DCC: variants seen among roughly 807,000 people sequenced by gnomAD.
DCC encodes DCC netrin 1 receptor.
A neutral mutation model predicts 172.5 loss-of-function variants in DCC; 58 were observed. The ratio of observed to expected loss-of-function variants is 0.34; its 90% CI spans 0.27 to 0.42. The LOEUF (loss-of-function observed/expected upper bound fraction) is 0.42, where lower values mean the gene tolerates loss of function less well. Ranked by LOEUF, DCC falls within the 10% of genes least tolerant of loss-of-function variation. DCC has a pLI of 1.00. For synonymous variants in DCC, 709 were observed against 644.5 expected, an observed-to-expected ratio of 1.10 and a Z score of -1.52; for missense variants, 1,740 against 1,791.0, an observed-to-expected ratio of 0.97 and a Z score of 0.51.
chr18:52,822,135 A>G (rs963738906), intron 2 of DCC, among the ~76,000 whole-genome samples: 1 of 152,224 alleles, frequency 6.6e-6, no homozygotes, highest in African/African-American at 2.4e-5. Flanking sequence ...ATAAGTAAGC[A>G]TATTCACAGA....
intron 5 of DCC, among the ~76,000 whole-genome samples, chr18:52,930,196 C>A (rs115399657): frequency 2.9e-3 from 439 of 152,078 alleles, no homozygotes; most frequent in African/African-American, 9.7e-3. Flanking sequence ...AACTCCTGGG[C>A]TGAAGTGATC....
chr18:53,118,445 C>T (rs950579620), intron 7 of DCC, among the ~76,000 whole-genome samples: 28 of 151,782 alleles, frequency 1.8e-4, no homozygotes, highest in East Asian at 5.9e-4. Context: ...TTGGCTTTTA[C>T]GAAATTTTAG....
intron 12 of DCC, among the ~76,000 whole-genome samples, chr18:53,297,830 GAAGA>G (rs1598995877): frequency 1.3e-5 from 2 of 152,306 alleles, no homozygotes; most frequent in South Asian, 2.1e-4. Context: ...AAGAACCTAA[GAAGA>G]AAGAATCTTT....
intron 22 of DCC, among the ~76,000 whole-genome samples, chr18:53,435,439 A>G (rs144014962): frequency 5.1e-4 from 77 of 152,298 alleles, no homozygotes; most frequent in African/African-American, 1.8e-3. Context: ...GTTGACAGGT[A>G]TGTAAAAAAG....
At chr18:53,371,207 A>G (rs1599075379) in intron 15 of DCC, among the ~76,000 whole-genome samples, 3 of 152,106 alleles carry the variant, frequency 2.0e-5, no homozygotes. Flanking sequence ...TCTAAAAATG[A>G]CAAGATCATC....
intron 1 of DCC, among the ~76,000 whole-genome samples, chr18:52,469,971 C>G (rs1988900044): frequency 6.6e-6 from 1 of 152,212 alleles, no homozygotes; most frequent in Non-Finnish European, 1.5e-5. Context: ...ATTTTACTCA[C>G]ATGGCAGAAG....
chr18:53,276,316 A>G (rs1393879363), intron 12 of DCC, among the ~76,000 whole-genome samples: 2 of 152,174 alleles, frequency 1.3e-5, no homozygotes, highest in African/African-American at 2.4e-5. Flanking sequence ...ATAAATCCCC[A>G]TGGACAAATA....
At chr18:53,528,532 A>T (rs751251161) in intron 28 of DCC, among the ~76,000 whole-genome samples, 4 of 152,144 alleles carry the variant, frequency 2.6e-5, no homozygotes, top group African/African-American at 9.7e-5. Context: ...GACTCTAAAG[A>T]ATGGCAGCCA....
chr18:52,359,804 G>A (rs1984539149), intron 1 of DCC, among the ~76,000 whole-genome samples: 1 of 152,276 alleles, frequency 6.6e-6, no homozygotes, highest in Non-Finnish European at 1.5e-5. Context: ...AGTTCAAACT[G>A]CTGTATGTTC....
At chr18:53,119,677 T>C (rs551568390) in intron 7 of DCC, among the ~76,000 whole-genome samples, 12 of 152,020 alleles carry the variant, frequency 7.9e-5, no homozygotes, top group Admixed American at 2.0e-4. Context: ...CTGTGGAGAA[T>C]TAATCTGCTC....
chr18:53,087,566 G>T (rs765829503), intron 7 of DCC, among the ~76,000 whole-genome samples: 1 of 152,142 alleles, frequency 6.6e-6, no homozygotes, highest in African/African-American at 2.4e-5. Flanking sequence ...TGTTTACTCT[G>T]ATGGTAGTTT....
intron 2 of DCC, among the ~76,000 whole-genome samples, chr18:52,756,199 C>T (rs1180188910): frequency 6.6e-6 from 1 of 151,918 alleles, no homozygotes; most frequent in African/African-American, 2.4e-5. Context: ...TGTTTCTGTG[C>T]CATGTATACT....
intron 1 of DCC, among the ~76,000 whole-genome samples, chr18:52,641,853 TCC>T (rs1204396088): frequency 6.6e-6 from 1 of 151,906 alleles, no homozygotes; most frequent in South Asian, 2.1e-4. Flanking sequence ...GATCCAGCAA[TCC>T]CACTACTGGG....
At chr18:53,036,199 T>C (rs1019278538) in intron 5 of DCC, among the ~76,000 whole-genome samples, 11 of 152,024 alleles carry the variant, frequency 7.2e-5, no homozygotes, top group Non-Finnish European at 1.3e-4. Flanking sequence ...TAAAAATCTT[T>C]TCCCAAGTAG....
At chr18:53,254,104 A>G (rs190994433) in intron 12 of DCC, among the ~76,000 whole-genome samples, 12 of 152,218 alleles carry the variant, frequency 7.9e-5, no homozygotes, top group Admixed American at 6.5e-4. Context: ...CTGCCATTGT[A>G]AAAAAGAATG....
intron 12 of DCC, among the ~76,000 whole-genome samples, chr18:53,233,220 C>T (rs2056149280): frequency 6.6e-6 from 1 of 152,172 alleles, no homozygotes; most frequent in South Asian, 2.1e-4. Flanking sequence ...TTGACGTTCT[C>T]CCGTTCTTTA....
At chr18:53,249,887 G>A (rs140464338) in intron 12 of DCC, among the ~76,000 whole-genome samples, 72 of 151,998 alleles carry the variant, frequency 4.7e-4, no homozygotes, top group African/African-American at 1.6e-3. Flanking sequence ...ATGCCTTCCA[G>A]GTATGTTGCT....
intron 1 of DCC, among the ~76,000 whole-genome samples, chr18:52,711,472 G>A (rs9958985): frequency 0.27 from 41,168 of 152,006 alleles, 6,631 homozygotes; most frequent in African/African-American, 0.43. Flanking sequence ...TCAATAAACT[G>A]TTTTTGCATG....
At chr18:52,626,676 C>G (rs989600646) in intron 1 of DCC, among the ~76,000 whole-genome samples, 1 of 152,084 alleles carries the variant, frequency 6.6e-6, no homozygotes, top group African/African-American at 2.4e-5. Context: ...GGTTTCACAT[C>G]CGTAGATTTA....
Sources: gnomAD v4.1 joint callset for allele counts (sites outside exome capture counted in the v4.1 genomes callset) on GRCh38, gnomAD v4.1.1 for gene constraint, MANE v1.5 for transcripts, NCBI Gene and HGNC (gene_info 2026-07-23, HGNC 2026-07-21) for gene names.